NAALADL2: variants seen among roughly 807,000 people sequenced by gnomAD.
NAALADL2 encodes the protein N-acetylated alpha-linked acidic dipeptidase like 2.
A neutral mutation model predicts 87.2 loss-of-function variants in NAALADL2; 76 were observed. The observed-to-expected ratio is 0.87, with a 90% CI of 0.72 to 1.05. The LOEUF (loss-of-function observed/expected upper bound fraction) is 1.05. NAALADL2 is among the 50% of genes least tolerant of loss of function. The pLI, the probability that NAALADL2 is intolerant of heterozygous loss-of-function variation, is 0.00. For missense variants in NAALADL2, 1,089 were observed against 945.8 expected (o/e 1.15, Z -1.99); for synonymous variants, 354 against 331.0 (o/e 1.07, Z -0.75).
chr3:174,632,933 C>CAA (rs56809226), intron 2 of NAALADL2, among the ~76,000 whole-genome samples: 208 of 63,098 alleles, frequency 3.3e-3, no homozygotes, highest in Admixed American at 3.7e-3. Context: ...GACTCTGTCT[C>CAA]AAAAAAAAAA....
intron 1 of NAALADL2, among the ~76,000 whole-genome samples, chr3:174,470,409 C>T (rs1716826028): frequency 1.3e-5 from 2 of 152,008 alleles, no homozygotes; most frequent in Admixed American, 6.6e-5. Flanking sequence ...TGTCCTTTGT[C>T]GCATGCATAG....
intron 2 of NAALADL2, among the ~76,000 whole-genome samples, chr3:175,146,304 T>C (rs758045630): frequency 7.9e-5 from 12 of 152,076 alleles, no homozygotes; most frequent in Non-Finnish European, 1.8e-4. Context: ...AGAAGGACTG[T>C]GGAAAACAAT....
chr3:175,236,838 AC>A (rs1745984938), intron 3 of NAALADL2, among the ~76,000 whole-genome samples: 1 of 152,182 alleles, frequency 6.6e-6, no homozygotes, highest in Non-Finnish European at 1.5e-5. Context: ...AGGCTGAATC[AC>A]AAAAATGTTA....
At chr3:175,388,065 C>A (rs771058651) in intron 5 of NAALADL2, among the ~76,000 whole-genome samples, 1 of 152,016 alleles carries the variant, frequency 6.6e-6, no homozygotes, top group Non-Finnish European at 1.5e-5. Flanking sequence ...TCTAGAGAGA[C>A]TTTCCATAGC....
At chr3:174,555,373 C>G (rs574034266) in intron 2 of NAALADL2, among the ~76,000 whole-genome samples, 1 of 152,242 alleles carries the variant, frequency 6.6e-6, no homozygotes, top group South Asian at 2.1e-4. Context: ...GATCTTGGCC[C>G]ACTGCAACCT....
chr3:174,873,783 A>C (rs1317516973), intron 1 of NAALADL2, among the ~76,000 whole-genome samples: 3 of 151,642 alleles, frequency 2.0e-5, no homozygotes, highest in Non-Finnish European at 2.9e-5. Context: ...TAAAGAAACT[A>C]ATAGCTTTTC....
At chr3:175,334,006 G>C (rs1761706030) in intron 5 of NAALADL2, among the ~76,000 whole-genome samples, 1 of 152,002 alleles carries the variant, frequency 6.6e-6, no homozygotes, top group Non-Finnish European at 1.5e-5. Flanking sequence ...CCAATATTTT[G>C]ACATCTTTGT....
At chr3:174,552,631 C>CA (rs1250857249) in intron 2 of NAALADL2, among the ~76,000 whole-genome samples, 4 of 151,038 alleles carry the variant, frequency 2.6e-5, no homozygotes, top group African/African-American at 7.3e-5. Flanking sequence ...CCTGTCTCTG[C>CA]AAAAAAATAC....
rs188820837 is a variant in NAALADL2 at position 174,981,404 on chromosome 3, T to C, written c.44-115386T>C. 4.0e-3 allele frequency among the ~76,000 whole-genome samples: 604 copies of C among 152,256 alleles called. 5 individuals carry two copies. Among genetic ancestry groups the C allele is most frequent in the African/African-American group, 0.014 (582 of 41,540 alleles). On this transcript the variant is annotated intron_variant, in intron 1 of 13. Coordinates refer to ENST00000454872, the MANE Select transcript of NAALADL2 (RefSeq NM_207015.3). ...CAGTTAAAAAGTTAATATGTGGCCA[T>C]GTAATTCATAGTAACAAATCAAACA...
chr3:175,370,498 A>T (rs367867544), intron 5 of NAALADL2, among the ~76,000 whole-genome samples: 6 of 145,166 alleles, frequency 4.1e-5, no homozygotes, highest in East Asian at 2.3e-4. Flanking sequence ...CTGCCAATAT[A>T]TGGGGGGGGG....
At chr3:175,259,164 T>C (rs1750589073) in intron 4 of NAALADL2, among the ~76,000 whole-genome samples, 1 of 152,154 alleles carries the variant, frequency 6.6e-6, no homozygotes, top group Admixed American at 6.5e-5. Context: ...ACAAGCACAG[T>C]AACATAAGAA....
intron 3 of NAALADL2, among the ~76,000 whole-genome samples, chr3:174,818,502 T>C (rs1721045639): frequency 1.3e-5 from 2 of 152,294 alleles, no homozygotes; most frequent in South Asian, 4.1e-4. Flanking sequence ...GTTGTTGTAT[T>C]TATTTGAATA....
chr3:175,233,329 G>A lies in NAALADL2; in HGVS notation c.546-602G>A, dbSNP rs149256549. Among the ~76,000 whole-genome samples, 264 of 152,288 alleles carry A rather than the reference G, an allele frequency of 1.7e-3. 2 individuals are homozygous for A. Among genetic ancestry groups the A allele is most frequent in the African/African-American group, 6.2e-3 (258 of 41,564 alleles). On this transcript the variant is annotated intron_variant, in intron 2 of 13. Transcript: ENST00000454872. ...TGGAATGGACTTTTAAGTGTATTATGTTGATGTTGATAGAAGGATCAGAAC... is the reference window on the plus strand; with the variant it reads ...TGGAATGGACTTTTAAGTGTATTATATTGATGTTGATAGAAGGATCAGAAC...
intron 1 of NAALADL2, among the ~76,000 whole-genome samples, chr3:174,880,711 A>G (rs1402034415): frequency 6.6e-6 from 1 of 152,108 alleles, no homozygotes; most frequent in East Asian, 1.9e-4. Context: ...GTCTTTTCTC[A>G]AATATTACTT....
chr3:174,612,157 GCC>G (rs1162615542), intron 2 of NAALADL2, among the ~76,000 whole-genome samples: 1 of 152,106 alleles, frequency 6.6e-6, no homozygotes, highest in African/African-American at 2.4e-5. Flanking sequence ...AAAGTCTGCT[GCC>G]AGGTGTAATA....
chr3:175,484,420 A>C (rs1466118862), intron 9 of NAALADL2, among the ~76,000 whole-genome samples: 2 of 152,136 alleles, frequency 1.3e-5, no homozygotes, highest in Admixed American at 1.3e-4. Context: ...CAACATAGTT[A>C]AAATGCCACT....
In NAALADL2 at chr3:175,783,914, G is replaced by C. The variant is rs1254532254; in HGVS notation, c.2190-19091G>C. ...TTTATTGAGAGTTTTTAGCATGAAG[G>C]GTTGTTGAATTTTGTCAAAGGCTTT... On this transcript the variant is annotated intron_variant, in intron 13 of 13. Coordinates refer to ENST00000454872, the MANE Select transcript of NAALADL2 (RefSeq NM_207015.3). Among the ~76,000 whole-genome samples, 309 of 141,248 alleles carry C rather than the reference G, an allele frequency of 2.2e-3. 1 individual carries two copies. Among genetic ancestry groups the C allele is most frequent in the African/African-American group, 8.8e-3 (291 of 33,054 alleles). The allele number at this position is 141,248 out of a possible 152,430, so 92.7% of individuals were successfully genotyped here.
rs28414390 is a variant in NAALADL2, at chr3:175,385,103, C to T, written c.1090+60778C>T. 8.2e-3 allele frequency among the ~76,000 whole-genome samples: 1,252 copies of T among 152,156 alleles called. 13 individuals are homozygous for T. The highest frequency in any genetic ancestry group is 0.029 in the African/African-American group (1,186 of 41,532). On this transcript the variant is annotated intron_variant, in intron 5 of 13. Transcript: ENST00000454872. ...CATTTAGTATTCTGATTAACCTGAA[C>T]ATTCAAGCTTCAGGCACTTATTTCA...
intron 2 of NAALADL2, among the ~76,000 whole-genome samples, chr3:174,732,899 C>G (rs1172633803): frequency 6.6e-6 from 1 of 151,948 alleles, no homozygotes; most frequent in Non-Finnish European, 1.5e-5. Flanking sequence ...ATATGTGGTG[C>G]TTAGGAAAAT....
Sources: gnomAD v4.1 joint callset for allele counts (sites outside exome capture counted in the v4.1 genomes callset) on GRCh38, gnomAD v4.1.1 for gene constraint, MANE v1.5 for transcripts, NCBI Gene and HGNC (gene_info 2026-07-23, HGNC 2026-07-21) for gene names.